AGBL1: variants seen among roughly 807,000 people sequenced by gnomAD.
AGBL1 encodes the protein cytosolic carboxypeptidase 4.
Under a neutral mutation model 118.9 loss-of-function variants are expected in AGBL1, and 130 were observed. The ratio of observed to expected loss-of-function variants is 1.09; its 90% CI spans 0.95 to 1.26. The LOEUF (loss-of-function observed/expected upper bound fraction) is 1.26. AGBL1 is among the 50% of genes most tolerant of loss of function. The pLI is 0.00. For synonymous variants in AGBL1, 555 were observed against 478.9 expected (o/e 1.16, Z -2.08); for missense variants, 1,584 against 1,298.1 (o/e 1.22, Z -3.38).
Position 86,288,465 on chromosome 15 carries a change from G to T in AGBL1, c.2221-6790G>T, listed in dbSNP as rs569970867. On this transcript the variant is annotated intron_variant, in intron 16 of 22. Transcript: ENST00000614907. ...TTTGTAACCTATGAATTTTTTTCCA[G>T]TAAGCTTCTTTTAAGAGGCTATTTT... Among the ~76,000 whole-genome samples, 17 of 152,048 alleles carry T rather than the reference G, an allele frequency of 1.1e-4. 1 individual carries two copies. In the South Asian group the frequency reaches 3.1e-3, roughly 28 times the overall value.
At chr15:86,677,444 G>T (rs946742621) in intron 22 of AGBL1, among the ~76,000 whole-genome samples, 3 of 152,108 alleles carry the variant, frequency 2.0e-5, no homozygotes, top group Non-Finnish European at 4.4e-5. Flanking sequence ...AAATAATTGT[G>T]TGTGCACTGC....
At chr15:86,683,356 G>A (rs1337332697) in intron 22 of AGBL1, among the ~76,000 whole-genome samples, 1 of 152,120 alleles carries the variant, frequency 6.6e-6, no homozygotes, top group East Asian at 1.9e-4. Flanking sequence ...GGTTGAATGT[G>A]TTGTAACCCA....
chr15:86,496,410 A>G (rs1367228467), intron 18 of AGBL1, among the ~76,000 whole-genome samples: 1 of 152,046 alleles, frequency 6.6e-6, no homozygotes, highest in Non-Finnish European at 1.5e-5. Context: ...TGATTAATAC[A>G]CAGTGTTTTT....
At chr15:86,250,056 A>G (rs2078785801) in intron 7 of AGBL1, among the ~76,000 whole-genome samples, 1 of 152,168 alleles carries the variant, frequency 6.6e-6, no homozygotes, top group African/African-American at 2.4e-5. Context: ...CTCATGTTAT[A>G]ATCTCTGCAA....
chr15:86,243,657 A>G (rs2078672330), intron 6 of AGBL1, among the ~76,000 whole-genome samples: 1 of 152,088 alleles, frequency 6.6e-6, no homozygotes, highest in African/African-American at 2.4e-5. Flanking sequence ...AGGTGTTAAT[A>G]CGAAAGACCC....
chr15:86,943,287 T>C (rs574247774), intron 23 of AGBL1, among the ~76,000 whole-genome samples: 1 of 152,190 alleles, frequency 6.6e-6, no homozygotes, highest in South Asian at 2.1e-4. Flanking sequence ...ACTGGAAACT[T>C]TGTGTGGACT....
chr15:86,472,399 A>G (rs559384834), intron 18 of AGBL1, among the ~76,000 whole-genome samples: 3 of 152,276 alleles, frequency 2.0e-5, no homozygotes, highest in African/African-American at 4.8e-5. Context: ...TGAATTGACA[A>G]TTCATTAATT....
At chr15:86,208,280 T>C (rs1313934642) in intron 5 of AGBL1, among the ~76,000 whole-genome samples, 2 of 152,216 alleles carry the variant, frequency 1.3e-5, no homozygotes, top group Non-Finnish European at 2.9e-5. Context: ...TCTAAAATTC[T>C]CTTTTTTTGT....
At chr15:86,730,845 T>C (rs1249641506) in intron 22 of AGBL1, among the ~76,000 whole-genome samples, 1 of 151,108 alleles carries the variant, frequency 6.6e-6, no homozygotes, top group Non-Finnish European at 1.5e-5. Flanking sequence ...TTATTTATTT[T>C]GAGATGGAGT....
intron 2 of AGBL1, among the ~76,000 whole-genome samples, chr15:86,143,430 C>A (rs977136242): frequency 6.6e-6 from 1 of 152,140 alleles, no homozygotes; most frequent in Admixed American, 6.5e-5. Flanking sequence ...ACTGAATATT[C>A]AACAGAATCT....
chr15:86,699,153 C>T (rs1281632972), intron 22 of AGBL1, among the ~76,000 whole-genome samples: 1 of 151,680 alleles, frequency 6.6e-6, no homozygotes, highest in Non-Finnish European at 1.5e-5. Context: ...TTCAACCTCA[C>T]AAAAATTTCA....
intron 21 of AGBL1, among the ~76,000 whole-genome samples, chr15:86,655,944 AT>A (rs1312576489): frequency 6.6e-6 from 1 of 152,190 alleles, no homozygotes; most frequent in Non-Finnish European, 1.5e-5. Context: ...GGACAAGTTA[AT>A]TTGCCTCCCT....
At chr15:86,360,245 T>C (rs2080782640) in intron 17 of AGBL1, among the ~76,000 whole-genome samples, 2 of 151,978 alleles carry the variant, frequency 1.3e-5, no homozygotes, top group Admixed American at 1.3e-4. Flanking sequence ...GTTGAGAGTT[T>C]CAATCATGAA....
In AGBL1 at chr15:86,264,613, C is replaced by T; in HGVS notation, c.1442C>T (p.Ser481Phe). ...ATTTTCTGCCCAAGGATGAGTGCCT[C>T]CTTTTCTAATTCCACTAGGACTAGA... Reference protein sequence around the residue: ...DAIFCPRMSASFSNSTRTREV... With the variant: ...DAIFCPRMSAFFSNSTRTREV... Residue 481 changes from serine to phenylalanine, a missense_variant, in exon 11 of 23, where the codon TCC becomes TTC. Coordinates refer to ENST00000614907, the MANE Select transcript of AGBL1 (RefSeq NM_001386094.1). 2 of 1,613,786 alleles carry T rather than the reference C, an allele frequency of 1.2e-6. No individual in the cohort carries two copies. The highest frequency in any genetic ancestry group is 1.7e-6 in the Non-Finnish European group (2 of 1,179,810).
chr15:86,831,271 C>T (rs2079100513), intron 22 of AGBL1, among the ~76,000 whole-genome samples: 1 of 152,142 alleles, frequency 6.6e-6, no homozygotes, highest in Non-Finnish European at 1.5e-5. Context: ...CTGTACCCTC[C>T]CAAATCTCAT....
At chr15:86,525,565 C>A (rs953392474) in intron 19 of AGBL1, among the ~76,000 whole-genome samples, 1 of 151,976 alleles carries the variant, frequency 6.6e-6, no homozygotes, top group Non-Finnish European at 1.5e-5. Context: ...AATAGAGAAC[C>A]CAGAGATAAA....
intron 22 of AGBL1, among the ~76,000 whole-genome samples, chr15:86,782,849 T>A (rs1282179850): frequency 6.6e-6 from 1 of 152,184 alleles, no homozygotes; most frequent in East Asian, 1.9e-4. Context: ...TTTTAAGAAT[T>A]AAAGACAGTG....
intron 21 of AGBL1, among the ~76,000 whole-genome samples, chr15:86,623,255 G>A (rs2084839303): frequency 7.8e-6 from 1 of 128,306 alleles, no homozygotes; most frequent in Non-Finnish European, 1.7e-5. Context: ...CGGGTTTGGA[G>A]GAAGGCAGGA....
At chr15:86,544,835 A>T (rs527691127) in intron 19 of AGBL1, among the ~76,000 whole-genome samples, 1 of 152,340 alleles carries the variant, frequency 6.6e-6, no homozygotes, top group South Asian at 2.1e-4. Flanking sequence ...CTATTGATGA[A>T]GATGAAACAT....
Sources: gnomAD v4.1 joint callset for allele counts (sites outside exome capture counted in the v4.1 genomes callset) on GRCh38, gnomAD v4.1.1 for gene constraint, MANE v1.5 for transcripts, NCBI Gene and HGNC (gene_info 2026-07-23, HGNC 2026-07-21) for gene names.